GSDME: variants seen among roughly 807,000 people sequenced by gnomAD.
The protein encoded by GSDME is gasdermin-E.
In GSDME, 44 loss-of-function variants were observed where a neutral mutation model predicts 47.5. That is an observed-to-expected ratio of 0.93 (90% confidence interval 0.73 to 1.19). The LOEUF is 1.19. Ranked by LOEUF, GSDME falls within the 50% of genes most tolerant of loss-of-function variation. GSDME has a pLI of 0.00. For synonymous variants in GSDME, 258 were observed against 252.8 expected (o/e 1.02, Z -0.20); for missense variants, 663 against 604.2 (o/e 1.10, Z -1.02).
chr7:24,727,958 A>G (rs1407159190), intron 3 of GSDME, among the ~76,000 whole-genome samples: 1 of 152,170 alleles, frequency 6.6e-6, no homozygotes, highest in Non-Finnish European at 1.5e-5. Context: ...AAACCCTCCC[A>G]CACTACGAGT....
chr7:24,767,192 T>G, the GSDME span, among the ~76,000 whole-genome samples: 1 of 151,972 alleles, frequency 6.6e-6, no homozygotes, highest in African/African-American at 2.4e-5. This position sits in a 1 kb window ranked among gnomAD's most constrained non-coding sequence, Gnocchi z 5.3. Context: ...GGCGTGGTGG[T>G]GGGCACCTAT....
the GSDME span, among the ~76,000 whole-genome samples, chr7:24,788,169 G>A: frequency 4.4e-4 from 67 of 152,264 alleles, no homozygotes; most frequent in Non-Finnish European, 8.2e-4. The surrounding 1 kb of genome is among the most constrained non-coding windows in gnomAD (Gnocchi z 4.6). Flanking sequence ...AATATAAAGG[G>A]CTTATTTTTC....
At chr7:24,769,441 T>C in the GSDME span, among the ~76,000 whole-genome samples, 1 of 152,162 alleles carries the variant, frequency 6.6e-6, no homozygotes, top group Non-Finnish European at 1.5e-5. Context: ...GAGCATTCTG[T>C]TCTTAACGAG....
chr7:24,766,205 G>T, the GSDME span, among the ~76,000 whole-genome samples: 1 of 148,968 alleles, frequency 6.7e-6, no homozygotes, highest in African/African-American at 2.4e-5. The surrounding 1 kb of genome is among the most constrained non-coding windows in gnomAD (Gnocchi z 4.2). Context: ...GTGTGTGTGT[G>T]TGTGTGTGTG....
At chr7:24,759,763 T>C (rs1273737507), upstream of GSDME, among the ~76,000 whole-genome samples, 1 of 152,160 alleles carries the variant, frequency 6.6e-6, no homozygotes. Flanking sequence ...GAGCATGGTC[T>C]GTGTTGGGAG....
At chr7:24,755,094 C>T (rs755959458) in intron 1 of GSDME, among the ~76,000 whole-genome samples, 4 of 152,216 alleles carry the variant, frequency 2.6e-5, no homozygotes, top group African/African-American at 4.8e-5. Context: ...CCCAAGATCA[C>T]AGCAAAGAAA....
At position 24,750,508 on chromosome 7, in the gene GSDME, G is replaced by A. The variant is rs112524678; in HGVS notation, c.-19-715C>T. On this transcript the variant is annotated intron_variant, in intron 1 of 9. Transcript: ENST00000645220. ...CACAGCTGTAGTCCCAGCTACTTGG[G>A]AGGCTGAGGTGGGAGGATTGCTTGA... Among the ~76,000 whole-genome samples, 1,034 of 152,298 alleles carry A rather than the reference G, an allele frequency of 6.8e-3. 11 individuals carry two copies. Among genetic ancestry groups the A allele is most frequent in the African/African-American group, 0.024 (989 of 41,552 alleles).
At chr7:24,755,350 T>A (rs1790980521) in intron 1 of GSDME, among the ~76,000 whole-genome samples, 1 of 152,204 alleles carries the variant, frequency 6.6e-6, no homozygotes, top group Non-Finnish European at 1.5e-5. Flanking sequence ...TGCTGCTTCC[T>A]GACCAATCAC....
chr7:24,706,295 C>A lies in GSDME; in HGVS notation c.1072G>T (p.Ala358Ser). ...LKPRQQQDLV[A>S]FLQLVGCSLQ... ...CTGCACCCCACCAGCTGCAGGAAGG[C>A]CACAAGGTCCTGCTGCTGCCGGGGC... is the stretch of plus-strand genomic sequence containing the variant. Residue 358 changes from alanine to serine, a missense_variant, in exon 8 of 10, where the codon GCC (alanine) becomes TCC (serine). Transcript: ENST00000645220. The A allele has an allele frequency of 6.2e-7, 1 of 1,614,120 alleles. No individual in the cohort carries two copies. Among genetic ancestry groups the A allele is most frequent in the Non-Finnish European group, 8.5e-7 (1 of 1,180,034 alleles).
chr7:24,703,336 T>C, intron 8 of GSDME: 1 of 259,540 alleles, frequency 3.9e-6, no homozygotes, highest in South Asian at 5.1e-5. Context: ...AAATGCAGTG[T>C]AGCTTTATCA....
At chr7:24,707,309 G>C (rs907585888) in intron 7 of GSDME, 1 of 471,146 alleles carries the variant, frequency 2.1e-6, no homozygotes, top group Non-Finnish European at 4.4e-6. Flanking sequence ...TAAAGCCTCA[G>C]CCTTAAGAAA....
the GSDME span, among the ~76,000 whole-genome samples, chr7:24,787,762 A>G: frequency 1.3e-5 from 2 of 152,020 alleles, no homozygotes; most frequent in Non-Finnish European, 2.9e-5. The surrounding 1 kb of genome is among the most constrained non-coding windows in gnomAD (Gnocchi z 5.0). Flanking sequence ...GCTGGGGTGC[A>G]GTGGCACAAT....
the GSDME span, among the ~76,000 whole-genome samples, chr7:24,789,151 G>A: frequency 6.6e-6 from 1 of 152,078 alleles, no homozygotes; most frequent in East Asian, 1.9e-4. Context: ...GAGTGCTAAG[G>A]GTGTTTCTGG....
chr7:24,781,663 T>C, the GSDME span, among the ~76,000 whole-genome samples: 1 of 144,550 alleles, frequency 6.9e-6, no homozygotes, highest in African/African-American at 2.6e-5. Context: ...TTTATCATAT[T>C]AGAAATTCAA....
In GSDME at chr7:24,745,068, G is replaced by A. The variant is rs868245396; in HGVS notation, c.212-314C>T. Among the ~76,000 whole-genome samples the A allele has an allele frequency of 4.0e-5, 6 of 151,104 alleles. No homozygotes were observed. Among genetic ancestry groups the A allele is most frequent in the African/African-American group, 1.5e-4 (6 of 41,088 alleles). ...GGCACACAGTGGACCAGTGACCAGGGCTCCACTAGAAGCTTTTCTCTTTCA... is the reference window on the plus strand; with the variant it reads ...GGCACACAGTGGACCAGTGACCAGGACTCCACTAGAAGCTTTTCTCTTTCA... On this transcript the variant is annotated intron_variant, in intron 2 of 9. Coordinates refer to ENST00000645220, the MANE Select transcript of GSDME (RefSeq NM_001127453.2). The surrounding 1 kb of genome is among the most constrained non-coding windows in gnomAD (Gnocchi z 4.4).
rs948149401 is a variant in GSDME, at chr7:24,714,390, C to T, written c.697+2864G>A. 6.6e-6 allele frequency among the ~76,000 whole-genome samples: 1 copy of T among 152,002 alleles called. No homozygotes were observed. The highest frequency in any genetic ancestry group is 2.4e-5 in the African/African-American group (1 of 41,350). Reference sequence around the variant, plus strand: ...GCAGGTTTATGTCTATGAAGCTATACCAGAACATTCTGTAGCAAGAGCAAC... The same window carrying T: ...GCAGGTTTATGTCTATGAAGCTATATCAGAACATTCTGTAGCAAGAGCAAC... On this transcript the variant is annotated intron_variant, in intron 5 of 9. Coordinates refer to ENST00000645220, the MANE Select transcript of GSDME (RefSeq NM_001127453.2). The surrounding 1 kb of genome is among the most constrained non-coding windows in gnomAD (Gnocchi z 5.0).
At chr7:24,785,325 T>C in the GSDME span, among the ~76,000 whole-genome samples, 40 of 152,348 alleles carry the variant, frequency 2.6e-4, no homozygotes, top group Non-Finnish European at 4.6e-4. Context: ...TCACTATTTA[T>C]TTTATAATGT....
At chr7:24,713,943 A>G (rs934429607) in intron 5 of GSDME, among the ~76,000 whole-genome samples, 3 of 152,176 alleles carry the variant, frequency 2.0e-5, no homozygotes, top group African/African-American at 7.2e-5. Context: ...GTCACAGAGC[A>G]AGGCCCTGTC....
Position 24,744,767 on chromosome 7 carries a change from A to G in GSDME, c.212-13T>C, listed in dbSNP as rs1277105158. The G allele has an allele frequency of 6.2e-7, 1 of 1,613,798 alleles. No homozygotes were observed. On this transcript the variant is annotated splice_polypyrimidine_tract_variant and intron_variant, in intron 2 of 9. Transcript: ENST00000645220. The surrounding 1 kb of genome is among the most constrained non-coding windows in gnomAD (Gnocchi z 4.5). ...GACTCCACGACCACTGGAATGGAGG[A>G]GACGAGCAGAGGAAGCCGATGATGA...
Sources: allele counts gnomAD v4.1 joint callset (sites outside exome capture counted in the v4.1 genomes callset), GRCh38; gene constraint gnomAD v4.1.1; non-coding constraint Gnocchi (gnomAD v3.1); transcripts MANE v1.5; gene names NCBI Gene and HGNC (gene_info 2026-07-23, HGNC 2026-07-21).